Variants in MTHFSD observed in about 807,000 individuals in gnomAD.
MTHFSD encodes the protein methenyltetrahydrofolate synthetase domain containing.
MTHFSD carries 37 observed loss-of-function variants against 31.1 expected under a neutral mutation model. The ratio of observed to expected loss-of-function variants is 1.19; its 90% CI spans 0.91 to 1.56. The LOEUF (loss-of-function observed/expected upper bound fraction) is 1.56. Among genes scored for constraint, MTHFSD ranks in the 40% most tolerant of loss-of-function variants. MTHFSD has a pLI of 0.00. For synonymous variants in MTHFSD, 221 were observed against 206.9 expected (o/e 1.07, Z -0.59); for missense variants, 664 against 510.1 (o/e 1.30, Z -2.91).
rs1971600574 is a variant in MTHFSD, at chr16:86,542,028, G to A, written c.555+73C>T. On this transcript the variant is annotated intron_variant, in intron 6 of 7. Coordinates refer to ENST00000360900, the MANE Select transcript of MTHFSD (RefSeq NM_001159377.2). The surrounding 1 kb of genome is among the most constrained non-coding windows in gnomAD (Gnocchi z 4.6). ...CACAGCATGGTTCAGAAGCAGATGA[G>A]TCTCCTTCCCCACCCCCTGCTCCCT... 1.4e-6 allele frequency: 2 copies of A among 1,441,898 alleles called. No individual in the cohort carries two copies. Among genetic ancestry groups the A allele is most frequent in the African/African-American group, 2.8e-5 (2 of 71,926 alleles). The allele number at this position is 1,441,898 out of a possible 1,614,324, so 89.3% of individuals were successfully genotyped here. A position where few individuals can be genotyped will look rare whatever the true frequency, so the allele number is the denominator to read the frequency against.
chr16:86,541,308 T>G, intron 7 of MTHFSD: 1 of 656,786 alleles, frequency 1.5e-6, no homozygotes, highest in Non-Finnish European at 2.2e-6. Flanking sequence ...AAAAAAAAAA[T>G]CTGGATTTAA....
At chr16:86,546,377 G>C (rs112275410) in intron 5 of MTHFSD, among the ~76,000 whole-genome samples, 182 bp downstream of exon 5, 1 of 152,172 alleles carries the variant, frequency 6.6e-6, no homozygotes, top group African/African-American at 2.4e-5. Flanking sequence ...TGTTGGGCTG[G>C]GGCCAGAAGC....
chr16:86,532,445 T>C lies in MTHFSD; in HGVS notation c.718A>G (p.Arg240Gly), dbSNP rs1206291468. 4 of 1,454,920 alleles carry C rather than the reference T, an allele frequency of 2.7e-6. No homozygotes were observed. The highest frequency in any genetic ancestry group is 2.7e-6 in the Non-Finnish European group (3 of 1,101,588). 90.1% of individuals were successfully genotyped at this position (1,454,920 alleles called of 1,614,324 possible). The part of the protein sequence containing the change: ...LEMMEKIPIL[R>G]SLRAREQQAG... ...TGCTGCTCTCGGGCGCGGAGGCTCC[T>C]CAGTATGGGGATTTTCTCCATCATC... is the stretch of plus-strand genomic sequence containing the variant. Residue 240 changes from arginine (R) to glycine (G), a missense_variant, in exon 8 of 8, where the codon AGG becomes GGG. Arg to Gly is a moderately radical substitution (Grantham distance 125). Coordinates refer to ENST00000360900, the MANE Select transcript of MTHFSD (RefSeq NM_001159377.2).
In MTHFSD at chr16:86,546,448, C is replaced by T. The variant is rs73272412; in HGVS notation, c.442+111G>A. The T allele has an allele frequency of 3.4e-3, 3,108 of 910,992 alleles. 60 individuals carry two copies. The African/African-American group carries it at 0.045, about 13-fold the overall frequency. The allele number at this position is 910,992 out of a possible 1,614,324, so 56.4% of individuals were successfully genotyped here. A position where few individuals can be genotyped will look rare whatever the true frequency, so the allele number is the denominator to read the frequency against. On this transcript the variant is annotated intron_variant, in intron 5 of 7. Coordinates refer to ENST00000360900, the MANE Select transcript of MTHFSD (RefSeq NM_001159377.2). The stretch of plus-strand genomic sequence containing the variant: ...GCAGCGGCTTCGGAGACCAGGTAAG[C>T]GCATCCAGAAAGCAGACACCACTGG...
At chr16:86,551,945 A>G in intron 3 of MTHFSD, 88 bp downstream of exon 3, 1 of 1,544,034 alleles carries the variant, frequency 6.5e-7, no homozygotes, top group South Asian at 1.2e-5. Context: ...TTCTAAATGC[A>G]AGACAGACGT....
intron 7 of MTHFSD, chr16:86,535,295 G>A: frequency 2.0e-6 from 2 of 985,262 alleles, no homozygotes; most frequent in Non-Finnish European, 2.4e-6. Flanking sequence ...AGGATGACAA[G>A]GCTTCACATC....
In MTHFSD at chr16:86,532,095, C is replaced by G. The variant is rs1970046441; in HGVS notation, c.1068G>C (p.Gln356His). The G allele has an allele frequency of 6.5e-7, 1 of 1,535,574 alleles. No homozygotes were observed. Among genetic ancestry groups the G allele is most frequent in the South Asian group, 1.2e-5 (1 of 80,972 alleles). ...GGCCCTGCAAGCAGGAGACGGCCTG[C>G]TGGGCTGCGGCAGAGTCCGGGTAAT... ...FLHYPDSAAAQQAVSCLQGLR... is the reference protein window; with the variant it reads ...FLHYPDSAAAHQAVSCLQGLR... The change falls in exon 8 of 8, where the codon CAG (glutamine) becomes CAC (histidine). Residue 356 changes from glutamine (Q) to histidine (H), a missense_variant. Coordinates refer to ENST00000360900, the MANE Select transcript of MTHFSD (RefSeq NM_001159377.2).
Position 86,552,039 on chromosome 16 carries a change from C to A in MTHFSD, c.231G>T (p.Val77=), listed in dbSNP as rs1314999711. The A allele has an allele frequency of 1.2e-6, 2 of 1,614,176 alleles. No homozygotes were observed. Among genetic ancestry groups the A allele is most frequent in the Non-Finnish European group, 1.7e-6 (2 of 1,180,048 alleles). The change falls in exon 3 of 8, where the codon GTG becomes GTT. Residue 77 remains valine (V), a synonymous_variant. Coordinates refer to ENST00000360900, the MANE Select transcript of MTHFSD (RefSeq NM_001159377.2). The stretch of plus-strand genomic sequence containing the variant: ...CTCAGGGAAGTGGAATTACCTGCAG[C>A]ACCAGCAGCCGAACGCCTTCCAGTG... The part of the protein sequence containing the change: ...DKPLEGVRLL[V]LQSKKTLLVP...
chr16:86,550,565 C>G (rs1249433035), intron 3 of MTHFSD, among the ~76,000 whole-genome samples: 1 of 152,188 alleles, frequency 6.6e-6, no homozygotes, highest in African/African-American at 2.4e-5. Context: ...TGAGGTGGAG[C>G]CTCTCTGTCT....
In MTHFSD at chr16:86,532,089, G is replaced by T; in HGVS notation, c.1074C>A (p.Ala358=). Residue 358 remains alanine, a synonymous_variant, in exon 8 of 8, where the codon GCC becomes GCA. Coordinates refer to ENST00000360900, the MANE Select transcript of MTHFSD (RefSeq NM_001159377.2). ...HYPDSAAAQQ[A]VSCLQGLRLG... ...GGCGCAGGCCCTGCAAGCAGGAGAC[G>T]GCCTGCTGGGCTGCGGCAGAGTCCG... 5 of 1,531,258 alleles carry T rather than the reference G, an allele frequency of 3.3e-6. No homozygotes were observed. The highest frequency in any genetic ancestry group is 4.4e-6 in the Non-Finnish European group (5 of 1,137,540). 94.9% of individuals were successfully genotyped at this position (1,531,258 alleles called of 1,614,324 possible). A position where few individuals can be genotyped will look rare whatever the true frequency, so the allele number is the denominator to read the frequency against.
chr16:86,531,970 G>A lies in MTHFSD; in HGVS notation c.*41C>T. 1 of 1,334,706 alleles carries A rather than the reference G, an allele frequency of 7.5e-7. No homozygotes were observed. The highest frequency in any genetic ancestry group is 1.6e-5 in the South Asian group (1 of 61,004). The allele number at this position is 1,334,706 out of a possible 1,614,324, so 82.7% of individuals were successfully genotyped here. ...TCGGAACCGGAGCGGCAGGGGACGG[G>A]GATGGCGAGTCTGCAGTGAGCTCCG... On this transcript the variant is annotated 3_prime_UTR_variant, in exon 8 of 8. Coordinates refer to ENST00000360900, the MANE Select transcript of MTHFSD (RefSeq NM_001159377.2). The surrounding 1 kb of genome is among the most constrained non-coding windows in gnomAD (Gnocchi z 5.5).
At chr16:86,555,033 C>A in intron 1 of MTHFSD, 136 bp downstream of exon 1, 10 of 1,448,336 alleles carry the variant, frequency 6.9e-6, no homozygotes, top group Non-Finnish European at 9.1e-6. Flanking sequence ...AGCACAGACC[C>A]CCTCTGACCT....
chr16:86,543,679 C>A (rs1165796262), intron 5 of MTHFSD, among the ~76,000 whole-genome samples: 1 of 152,168 alleles, frequency 6.6e-6, no homozygotes. Context: ...TCTGTGAATG[C>A]AGAAAAGGGA....
At chr16:86,554,938 C>G (rs1597395117) in intron 1 of MTHFSD, 187 bp from the exon 2 acceptor site, 1 of 1,204,484 alleles carries the variant, frequency 8.3e-7, no homozygotes, top group Non-Finnish European at 1.1e-6. Context: ...GGTGTCCCTC[C>G]CGCCTCGTCT....
intron 7 of MTHFSD, among the ~76,000 whole-genome samples, chr16:86,538,675 G>C (rs1427437819): frequency 6.6e-6 from 1 of 152,240 alleles, no homozygotes; most frequent in East Asian, 1.9e-4. Context: ...TCGCACGACT[G>C]TCTCCAAGGA....
intron 7 of MTHFSD, among the ~76,000 whole-genome samples, chr16:86,538,626 T>C (rs1260860589): frequency 6.6e-6 from 1 of 152,190 alleles, no homozygotes; most frequent in Non-Finnish European, 1.5e-5. Flanking sequence ...CTCAGCCCAC[T>C]ACAGACTACC....
chr16:86,533,895 C>T (rs763551563), intron 7 of MTHFSD: 3 of 152,248 alleles, frequency 2.0e-5, no homozygotes, highest in Non-Finnish European at 4.4e-5. Flanking sequence ...CATCTAATAC[C>T]TGGCTCTGTC....
chr16:86,532,301 T>C lies in MTHFSD; in HGVS notation c.862A>G (p.Asn288Asp). The C allele has an allele frequency of 6.3e-7, 1 of 1,580,344 alleles. No homozygotes were observed. Among genetic ancestry groups the C allele is most frequent in the Non-Finnish European group, 8.6e-7 (1 of 1,165,826 alleles). Residue 288 changes from asparagine (N) to aspartate (D), a missense_variant, in exon 8 of 8, where the codon AAT becomes GAT. Transcript: ENST00000360900. ...GAGCCAGGGGCTGCCTCCATGGAAT[T>C]GGTTTCTGGTCCGGGTGTGTCCGGG... is the stretch of plus-strand genomic sequence containing the variant. ...RPPDTPGPET[N>D]SMEAAPGSPP...
chr16:86,535,225 T>G lies in MTHFSD; in HGVS notation c.682-2744A>C, dbSNP rs367555243. The G allele has an allele frequency of 1.3e-5, 13 of 984,908 alleles. No homozygotes were observed. The African/African-American group carries it at 2.1e-4, about 16-fold the overall frequency. The allele number at this position is 984,908 out of a possible 1,614,324, so 61.0% of individuals were successfully genotyped here. The stretch of plus-strand genomic sequence containing the variant: ...TCCGCAGGGGCCGTTAGAATGGAAA[T>G]GTGGAAGTGTGTTCCACTGCAGGAA... On this transcript the variant is annotated intron_variant, in intron 7 of 7. Transcript: ENST00000360900.
Sources: gnomAD v4.1 joint callset for allele counts (sites outside exome capture counted in the v4.1 genomes callset) on GRCh38, gnomAD v4.1.1 for gene constraint, Gnocchi (gnomAD v3.1) non-coding constraint, MANE v1.5 for transcripts, NCBI Gene and HGNC (gene_info 2026-07-23, HGNC 2026-07-21) for gene names.